Variants in PGBD2 observed in about 807,000 individuals in gnomAD.
PGBD2 encodes the protein piggyBac transposable element derived 2, also known as piggyBac transposable element-derived protein 2.
PGBD2 carries 6 observed loss-of-function variants against 8.1 expected under a neutral mutation model. That is an observed-to-expected ratio of 0.74 (90% confidence interval 0.40 to 1.46). PGBD2 has a LOEUF of 1.46. Ranked by LOEUF, PGBD2 falls within the 40% of genes most tolerant of loss-of-function variation. The pLI is 0.02. For missense variants in PGBD2, 802 were observed against 739.0 expected (o/e 1.09, Z -0.99); for synonymous variants, 318 against 272.2 (o/e 1.17, Z -1.66).
chr1:248,926,715 A>T, the PGBD2 span, among the ~76,000 whole-genome samples: 4 of 152,236 alleles, frequency 2.6e-5, no homozygotes, highest in African/African-American at 4.8e-5. Context: ...TCGCACAGCT[A>T]CTAAGAGCAG....
chr1:248,900,887 G>C, the PGBD2 span, among the ~76,000 whole-genome samples: 1 of 152,192 alleles, frequency 6.6e-6, no homozygotes. Context: ...AGGAACTTTA[G>C]CAAAGTCTCA....
At chr1:248,915,513 A>C (rs546438319) in intron 2 of PGBD2, among the ~76,000 whole-genome samples, 1 of 152,260 alleles carries the variant, frequency 6.6e-6, no homozygotes, top group East Asian at 1.9e-4. Flanking sequence ...AAGGTAGGCT[A>C]GGCTACACTA....
rs2103118959 is a variant in PGBD2 at position 248,918,495 on chromosome 1, A to G, written c.*132A>G. The G allele has an allele frequency of 1.3e-6, 1 of 799,346 alleles. No individual in the cohort carries two copies. The highest frequency in any genetic ancestry group is 2.9e-5 in the East Asian group (1 of 34,514). 49.5% of individuals were successfully genotyped at this position (799,346 alleles called of 1,614,324 possible). A position where few individuals can be genotyped will look rare whatever the true frequency, so the allele number is the denominator to read the frequency against. ...TGACTTGATTTTCTATTTTCTCCCT[A>G]CCCACAATACAGTTATCTTTTTTAT... is the stretch of plus-strand genomic sequence containing the variant. On this transcript the variant is annotated 3_prime_UTR_variant, in exon 3 of 3. Transcript: ENST00000329291.
Position 248,910,591 on chromosome 1 carries a change from G to T in PGBD2, c.-47-3225G>T, listed in dbSNP as rs139470356. On this transcript the variant is annotated intron_variant, in intron 1 of 2. Coordinates refer to ENST00000329291, the MANE Select transcript of PGBD2 (RefSeq NM_170725.3). Reference sequence around the variant, plus strand: ...TTCCTGGGCTACAGACTTGTGAAAGGGGGTGGGGAGAGATTGAGGGACTGA... The same window carrying T: ...TTCCTGGGCTACAGACTTGTGAAAGTGGGTGGGGAGAGATTGAGGGACTGA... 3.9e-3 allele frequency among the ~76,000 whole-genome samples: 590 copies of T among 152,318 alleles called. 7 individuals carry two copies. The highest frequency in any genetic ancestry group is 0.014 in the African/African-American group (564 of 41,564).
the PGBD2 span, among the ~76,000 whole-genome samples, chr1:248,892,520 A>G: frequency 6.6e-6 from 1 of 152,052 alleles, no homozygotes; most frequent in Non-Finnish European, 1.5e-5. Context: ...TCATTTATAG[A>G]ACAAGAATAA....
At chr1:248,875,378 C>A in the PGBD2 span, among the ~76,000 whole-genome samples, 1 of 149,668 alleles carries the variant, frequency 6.7e-6, no homozygotes, top group East Asian at 2.0e-4. Context: ...GTCCCCCCAA[C>A]TTGAAAGTCA....
chr1:248,902,459 C>A (rs1661551738), upstream of PGBD2, among the ~76,000 whole-genome samples: 2 of 152,086 alleles, frequency 1.3e-5, no homozygotes, highest in African/African-American at 2.4e-5. Context: ...GATCTAAAAT[C>A]AGAAATACCA....
the PGBD2 span, among the ~76,000 whole-genome samples, chr1:248,887,724 T>C: frequency 6.6e-6 from 1 of 152,144 alleles, no homozygotes; most frequent in Non-Finnish European, 1.5e-5. Context: ...GGTTTATCAT[T>C]AGGTTGTGGC....
chr1:248,877,810 G>A, the PGBD2 span, among the ~76,000 whole-genome samples: 2 of 152,212 alleles, frequency 1.3e-5, no homozygotes, highest in African/African-American at 4.8e-5. Flanking sequence ...TAGCCATGTT[G>A]TCTCAAGTGA....
the PGBD2 span, among the ~76,000 whole-genome samples, chr1:248,882,013 C>T: frequency 2.0e-5 from 3 of 152,174 alleles, no homozygotes; most frequent in African/African-American, 7.2e-5. Flanking sequence ...AAGAAAGCTT[C>T]AAGTTTATTT....
chr1:248,908,877 T>G (rs1661761187), intron 1 of PGBD2, among the ~76,000 whole-genome samples: 2 of 152,074 alleles, frequency 1.3e-5, no homozygotes, highest in Non-Finnish European at 2.9e-5. Flanking sequence ...GAGGGAATTG[T>G]TACTCTTTCT....
chr1:248,907,667 C>T (rs190775774), intron 1 of PGBD2, among the ~76,000 whole-genome samples: 1 of 152,184 alleles, frequency 6.6e-6, no homozygotes, highest in Non-Finnish European at 1.5e-5. Context: ...AAGCATACTG[C>T]TTGTAAACAT....
At chr1:248,926,388 G>A in the PGBD2 span, among the ~76,000 whole-genome samples, 3 of 152,160 alleles carry the variant, frequency 2.0e-5, no homozygotes, top group Non-Finnish European at 4.4e-5. Flanking sequence ...CTTGGTTTCT[G>A]TGGGCAGTGT....
At chr1:248,874,888 A>G in the PGBD2 span, among the ~76,000 whole-genome samples, 1 of 150,210 alleles carries the variant, frequency 6.7e-6, no homozygotes, top group Non-Finnish European at 1.5e-5. Context: ...TCCAAGGTAG[A>G]TAGATAGGTA....
chr1:248,914,168 G>T (rs1462110154), intron 2 of PGBD2, among the ~76,000 whole-genome samples: 3 of 152,150 alleles, frequency 2.0e-5, no homozygotes, highest in African/African-American at 7.2e-5. Context: ...GTTACTCCTG[G>T]GGCCACCTCA....
At chr1:248,927,930 C>G in the PGBD2 span, among the ~76,000 whole-genome samples, 1 of 152,152 alleles carries the variant, frequency 6.6e-6, no homozygotes, top group Non-Finnish European at 1.5e-5. Context: ...AAGTAATATA[C>G]TGTAAAAAGG....
intron 2 of PGBD2, chr1:248,914,534 G>T (rs765395028): frequency 1.6e-6 from 2 of 1,289,266 alleles, no homozygotes; most frequent in Non-Finnish European, 2.0e-6. Flanking sequence ...TTCTAATGCA[G>T]CCTGAACTCC....
intron 1 of PGBD2, among the ~76,000 whole-genome samples, chr1:248,907,721 C>T (rs1434085131): frequency 1.3e-5 from 2 of 152,180 alleles, no homozygotes; most frequent in Non-Finnish European, 2.9e-5. Context: ...ACCCCTTAAA[C>T]CTTGATTCCA....
At chr1:248,926,400 TC>T in the PGBD2 span, among the ~76,000 whole-genome samples, 3 of 152,188 alleles carry the variant, frequency 2.0e-5, no homozygotes, top group Non-Finnish European at 4.4e-5. Context: ...GGGCAGTGTC[TC>T]CTTATGGAAA....
Sources: gnomAD v4.1 joint callset for allele counts (sites outside exome capture counted in the v4.1 genomes callset) on GRCh38, gnomAD v4.1.1 for gene constraint, MANE v1.5 for transcripts, NCBI Gene and HGNC (gene_info 2026-07-23, HGNC 2026-07-21) for gene names.